The following DOCK3 variants were observed in gnomAD, a reference collection of about 807,000 sequenced individuals.
DOCK3 encodes the protein dedicator of cytokinesis 3, also known as dedicator of cytokinesis protein 3.
DOCK3 carries 60 observed loss-of-function variants against 265.6 expected under a neutral mutation model. The observed-to-expected ratio is 0.23, with a 90% CI of 0.18 to 0.28. The LOEUF is 0.28. DOCK3 is among the 10% of genes least tolerant of loss of function. DOCK3 has a pLI of 1.00. For synonymous variants in DOCK3, 881 were observed against 938.0 expected, an observed-to-expected ratio of 0.94 and a Z score of 1.11; for missense variants, 1,981 against 2,594.3, an observed-to-expected ratio of 0.76 and a Z score of 5.14.
intron 5 of DOCK3, among the ~76,000 whole-genome samples, chr3:51,010,185 G>C (rs2078885631): frequency 2.6e-5 from 4 of 152,102 alleles, no homozygotes; most frequent in Admixed American, 2.6e-4. Flanking sequence ...TTAATTTTCT[G>C]TCTCGCTGAT....
Position 50,675,367 on chromosome 3 carries a change from T to C in DOCK3, c.37+67T>C. On this transcript the variant is annotated intron_variant, in intron 1 of 52. Transcript: ENST00000266037. This position sits in a 1 kb window ranked among gnomAD's most constrained non-coding sequence, Gnocchi z 6.1. Reference sequence around the variant, plus strand: ...GACGCGCCCAGCTCCCGGCCCCGCCTGGATTCGCATCCTCGTGCCCCCGCC... The same window carrying C: ...GACGCGCCCAGCTCCCGGCCCCGCCCGGATTCGCATCCTCGTGCCCCCGCC... 2 of 1,157,312 alleles carry C rather than the reference T, an allele frequency of 1.7e-6. No individual in the cohort carries two copies. Among genetic ancestry groups the C allele is most frequent in the African/African-American group, 1.6e-5 (1 of 61,210 alleles). The allele number at this position is 1,157,312 out of a possible 1,614,324, so 71.7% of individuals were successfully genotyped here. A position where few individuals can be genotyped will look rare whatever the true frequency, so the allele number is the denominator to read the frequency against.
intron 12 of DOCK3, among the ~76,000 whole-genome samples, chr3:51,182,063 T>C (rs1384081729): frequency 6.6e-6 from 1 of 152,224 alleles, no homozygotes; most frequent in African/African-American, 2.4e-5. Flanking sequence ...TTTAACTCCC[T>C]GCTCTGGGAT....
intron 1 of DOCK3, among the ~76,000 whole-genome samples, chr3:50,679,573 A>G (rs1476481796): frequency 6.6e-6 from 1 of 152,202 alleles, no homozygotes; most frequent in Non-Finnish European, 1.5e-5. Flanking sequence ...TGGTGCAGGA[A>G]AAGAATCTGA....
chr3:51,147,071 C>T (rs977385370), intron 10 of DOCK3, among the ~76,000 whole-genome samples: 3 of 151,884 alleles, frequency 2.0e-5, no homozygotes, highest in African/African-American at 7.3e-5. Flanking sequence ...CAAGGTTGCA[C>T]CACTGTACTC....
intron 3 of DOCK3, among the ~76,000 whole-genome samples, chr3:50,888,016 T>C (rs1165740985): frequency 1.3e-5 from 2 of 151,988 alleles, no homozygotes; most frequent in South Asian, 2.1e-4. Context: ...CCAGGGCAAT[T>C]CGGCAGGAGA....
At chr3:50,796,474 G>A (rs2042791220) in intron 2 of DOCK3, among the ~76,000 whole-genome samples, 3 of 152,106 alleles carry the variant, frequency 2.0e-5, no homozygotes, top group African/African-American at 7.2e-5. Flanking sequence ...TAGTAGCTGG[G>A]ATTATAGGCA....
chr3:50,943,273 ATC>A (rs1324699135), intron 5 of DOCK3, among the ~76,000 whole-genome samples: 17 of 152,064 alleles, frequency 1.1e-4, no homozygotes, highest in Non-Finnish European at 2.4e-4. Flanking sequence ...ACTCTGGTGA[ATC>A]TCTGTTTTGT....
At chr3:51,153,515 A>G (rs2107434866) in intron 10 of DOCK3, among the ~76,000 whole-genome samples, 1 of 152,282 alleles carries the variant, frequency 6.6e-6, no homozygotes, top group Non-Finnish European at 1.5e-5. Context: ...GGCTGCACCC[A>G]CTGTCCAACC....
intron 27 of DOCK3, among the ~76,000 whole-genome samples, chr3:51,283,257 GCA>G (rs2081231806): frequency 6.6e-6 from 1 of 152,164 alleles, no homozygotes; most frequent in Admixed American, 6.5e-5. Flanking sequence ...CCCACCCCTG[GCA>G]CTGCACCATA....
intron 12 of DOCK3, among the ~76,000 whole-genome samples, chr3:51,173,210 T>C (rs1446855273): frequency 6.6e-6 from 1 of 152,188 alleles, no homozygotes; most frequent in Non-Finnish European, 1.5e-5. Context: ...AGCCTTGACC[T>C]CCTGGGTTCA....
intron 27 of DOCK3, among the ~76,000 whole-genome samples, chr3:51,308,426 G>C (rs1282209178): frequency 6.6e-6 from 1 of 151,368 alleles, no homozygotes; most frequent in South Asian, 2.1e-4. Flanking sequence ...GACTCTTAAC[G>C]AGCATGCTGC....
chr3:50,831,720 T>C (rs980456547), intron 2 of DOCK3, among the ~76,000 whole-genome samples: 2 of 152,226 alleles, frequency 1.3e-5, no homozygotes, highest in African/African-American at 2.4e-5. Context: ...AGTAGAATGA[T>C]TTATAATCCT....
intron 3 of DOCK3, among the ~76,000 whole-genome samples, chr3:50,843,727 C>G (rs1285895251): frequency 2.0e-5 from 3 of 152,016 alleles, no homozygotes; most frequent in Admixed American, 2.0e-4. Flanking sequence ...GGTAATATCT[C>G]TATTCTAGAA....
Position 51,227,367 on chromosome 3 carries a change from G to A in DOCK3, c.1462G>A (p.Gly488Arg). 2 of 1,613,906 alleles carry A rather than the reference G, an allele frequency of 1.2e-6. No individual in the cohort carries two copies. The highest frequency in any genetic ancestry group is 1.1e-5 in the South Asian group (1 of 91,066). Residue 488 changes from glycine (G) to arginine (R), a missense_variant, in exon 16 of 53, where the codon GGA becomes AGA. Gly to Arg is a moderately radical substitution (Grantham distance 125). Transcript: ENST00000266037. ...VLYHSNSPRW[G>R]EIIKLPIPID... ...CTACCACAGTAATAGTCCTCGCTGG[G>A]GAGAAATTATCAAATTGCCTATCCC...
chr3:51,356,780 A>G (rs1382662263), intron 43 of DOCK3, among the ~76,000 whole-genome samples, 182 bp from the exon 44 acceptor site: 1 of 152,174 alleles, frequency 6.6e-6, no homozygotes, highest in Non-Finnish European at 1.5e-5. Flanking sequence ...GTTCTTCACT[A>G]TTTGCTGTAC....
At chr3:50,804,582 T>C (rs1001307360) in intron 2 of DOCK3, among the ~76,000 whole-genome samples, 1 of 151,930 alleles carries the variant, frequency 6.6e-6, no homozygotes, top group Non-Finnish European at 1.5e-5. Flanking sequence ...ACCAAAAATA[T>C]ACGAAAACCA....
At chr3:50,996,556 C>T (rs533941580) in intron 5 of DOCK3, among the ~76,000 whole-genome samples, 2 of 152,032 alleles carry the variant, frequency 1.3e-5, no homozygotes, top group Non-Finnish European at 2.9e-5. Flanking sequence ...TTCTTCTCTA[C>T]GTATATGATA....
At chr3:51,230,859 T>C (rs919790290) in intron 19 of DOCK3, among the ~76,000 whole-genome samples, 2 of 152,162 alleles carry the variant, frequency 1.3e-5, no homozygotes, top group Non-Finnish European at 2.9e-5. Context: ...GATGGGCACC[T>C]AGATTGATTC....
intron 3 of DOCK3, among the ~76,000 whole-genome samples, chr3:50,873,123 A>G (rs2047514520): frequency 1.3e-5 from 2 of 152,092 alleles, no homozygotes; most frequent in South Asian, 4.1e-4. Context: ...GGTAGCCAAC[A>G]CAGCTGGAAA....
Sources: gnomAD v4.1 joint callset for allele counts (sites outside exome capture counted in the v4.1 genomes callset) on GRCh38, gnomAD v4.1.1 for gene constraint, Gnocchi (gnomAD v3.1) non-coding constraint, MANE v1.5 for transcripts, NCBI Gene and HGNC (gene_info 2026-07-23, HGNC 2026-07-21) for gene names.